The following RNF38 variants were observed in gnomAD, a reference collection of about 807,000 sequenced individuals.
RNF38 encodes ring finger protein 38, also known as E3 ubiquitin-protein ligase RNF38.
Under a neutral mutation model 67.2 loss-of-function variants are expected in RNF38, and 15 were observed. The ratio of observed to expected loss-of-function variants is 0.22; its 90% CI spans 0.15 to 0.34. RNF38 has a LOEUF of 0.34. Ranked by LOEUF, RNF38 falls within the 10% of genes least tolerant of loss-of-function variation. The pLI, the probability that RNF38 is intolerant of heterozygous loss-of-function variation, is 1.00. For missense variants in RNF38, 524 were observed against 639.9 expected, an observed-to-expected ratio of 0.82 and a Z score of 1.95; for synonymous variants, 220 against 218.8, an observed-to-expected ratio of 1.01 and a Z score of -0.05.
intron 1 of RNF38, among the ~76,000 whole-genome samples, chr9:36,454,718 G>C (rs142796392): frequency 1.3e-5 from 2 of 151,714 alleles, no homozygotes; most frequent in Non-Finnish European, 2.9e-5. Flanking sequence ...TAGTAGCTGG[G>C]ATTACAGGTG....
chr9:36,357,894 G>T lies in RNF38; in HGVS notation c.619C>A (p.Pro207Thr). ...CCTGTGCAGAGTGGAATCCCATGTG[G>T]TGCCACTGTTGTTACTGTGTAAGAA... ...PVSYTVTTVA[P>T]HGIPLCTGQH... Residue 207 changes from proline to threonine, a missense_variant, in exon 5 of 12, where the codon CCA becomes ACA. Pro to Thr is a conservative substitution (Grantham distance 38). Coordinates refer to ENST00000259605, the MANE Select transcript of RNF38 (RefSeq NM_022781.5). The T allele has an allele frequency of 6.2e-7, 1 of 1,613,878 alleles. No homozygotes were observed.
At chr9:36,341,355 T>A (rs1489953128) in intron 11 of RNF38, among the ~76,000 whole-genome samples, 1 of 152,206 alleles carries the variant, frequency 6.6e-6, no homozygotes, top group Non-Finnish European at 1.5e-5. Flanking sequence ...CTGTGCTCCC[T>A]CAGAACTGAC....
chr9:36,391,235 C>T (rs891779858), intron 1 of RNF38, among the ~76,000 whole-genome samples: 1 of 152,120 alleles, frequency 6.6e-6, no homozygotes, highest in African/African-American at 2.4e-5. Context: ...TTGGCCAATG[C>T]AGTGGTCACA....
At chr9:36,378,052 T>C (rs1467581937) in intron 2 of RNF38, among the ~76,000 whole-genome samples, 1 of 151,304 alleles carries the variant, frequency 6.6e-6, no homozygotes, top group Non-Finnish European at 1.5e-5. Flanking sequence ...AATTTAAATA[T>C]TCTGATTTTT....
chr9:36,406,645 TA>T (rs1444277930), intron 2 of RNF38, among the ~76,000 whole-genome samples: 2 of 152,244 alleles, frequency 1.3e-5, no homozygotes, highest in African/African-American at 4.8e-5. Flanking sequence ...ATAGTTCTGT[TA>T]ATGATATGTA....
At chr9:36,393,477 T>TTGTGTGTGTGTGTGTGTGTGTG (rs58913703) in intron 1 of RNF38, among the ~76,000 whole-genome samples, 37 of 87,786 alleles carry the variant, frequency 4.2e-4, no homozygotes, top group Non-Finnish European at 7.1e-4. Flanking sequence ...CACACACACA[T>TTGTGTGTGTGTGTGTGTGTGTG]TGTGTGTGTG....
At chr9:36,358,671 A>T (rs1168026182) in intron 4 of RNF38, among the ~76,000 whole-genome samples, 1 of 152,216 alleles carries the variant, frequency 6.6e-6, no homozygotes, top group Non-Finnish European at 1.5e-5. Flanking sequence ...ACATGTTCAA[A>T]TTGTTTTCAA....
chr9:36,390,940 A>T (rs1837032825), intron 1 of RNF38, among the ~76,000 whole-genome samples: 1 of 152,218 alleles, frequency 6.6e-6, no homozygotes, highest in Non-Finnish European at 1.5e-5. Flanking sequence ...TCATGCTAAG[A>T]AAACCCAAGG....
intron 1 of RNF38, among the ~76,000 whole-genome samples, chr9:36,473,244 T>G (rs1372956978): frequency 1.3e-5 from 2 of 151,314 alleles, no homozygotes; most frequent in Non-Finnish European, 2.9e-5. Flanking sequence ...GAGGATCACT[T>G]GAACCCAGGA....
At chr9:36,400,389 G>A, upstream of RNF38, 2 of 1,161,890 alleles carry the variant, frequency 1.7e-6, no homozygotes, top group Non-Finnish European at 2.1e-6. Context: ...GCGGGCCGGC[G>A]GCTCCGCGAG....
chr9:36,368,954 C>T (rs116953945), intron 4 of RNF38, among the ~76,000 whole-genome samples: 109 of 152,102 alleles, frequency 7.2e-4, no homozygotes, highest in Non-Finnish European at 1.3e-3. Flanking sequence ...CATCCTCAGG[C>T]TCTGAAGATA....
At chr9:36,473,576 G>T (rs577877986) in intron 1 of RNF38, among the ~76,000 whole-genome samples, 1 of 151,882 alleles carries the variant, frequency 6.6e-6, no homozygotes, top group Non-Finnish European at 1.5e-5. Context: ...CAACAAGAGC[G>T]AAACTCCGTC....
At chr9:36,364,175 C>T (rs930567880) in intron 4 of RNF38, among the ~76,000 whole-genome samples, 1 of 152,056 alleles carries the variant, frequency 6.6e-6, no homozygotes, top group East Asian at 1.9e-4. Flanking sequence ...CTCTCCTCCA[C>T]CAGAGACAGC....
chr9:36,448,807 C>G (rs1476443993), intron 1 of RNF38, among the ~76,000 whole-genome samples: 1 of 151,846 alleles, frequency 6.6e-6, no homozygotes, highest in African/African-American at 2.4e-5. Flanking sequence ...AGTTTGAGAC[C>G]AGTCTGGCCA....
chr9:36,397,068 T>C (rs1007864657), intron 1 of RNF38, among the ~76,000 whole-genome samples: 2 of 93,108 alleles, frequency 2.1e-5, no homozygotes, highest in African/African-American at 7.8e-5. Context: ...TATACGTATA[T>C]ATATGTGTGT....
intron 11 of RNF38, among the ~76,000 whole-genome samples, chr9:36,341,175 T>C (rs941747148): frequency 6.6e-6 from 1 of 152,230 alleles, no homozygotes; most frequent in African/African-American, 2.4e-5. Context: ...TGAACACCTT[T>C]TCTTTTCCCA....
chr9:36,438,705 G>A (rs1839125644), intron 1 of RNF38, among the ~76,000 whole-genome samples: 1 of 152,118 alleles, frequency 6.6e-6, no homozygotes, highest in Admixed American at 6.5e-5. Context: ...AGCTAAAAAG[G>A]GAGTGGGATG....
intron 1 of RNF38, among the ~76,000 whole-genome samples, chr9:36,483,919 G>A (rs1230641341): frequency 6.6e-6 from 1 of 152,150 alleles, no homozygotes; most frequent in Non-Finnish European, 1.5e-5. Flanking sequence ...AAAATCAGAG[G>A]AATGGACAAC....
At chr9:36,487,161 C>T in intron 1 of RNF38, 1 of 466,510 alleles carries the variant, frequency 2.1e-6, no homozygotes, top group Non-Finnish European at 2.8e-6. Context: ...GCGCAGGGCT[C>T]GCAGGGGCTC....
Sources: gnomAD v4.1 joint callset for allele counts (sites outside exome capture counted in the v4.1 genomes callset) on GRCh38, gnomAD v4.1.1 for gene constraint, MANE v1.5 for transcripts, NCBI Gene and HGNC (gene_info 2026-07-23, HGNC 2026-07-21) for gene names.